The following TMC2 variants were observed in gnomAD, a reference collection of about 807,000 sequenced individuals.
The protein encoded by TMC2 is transmembrane channel-like protein 2.
In TMC2, 102 loss-of-function variants were observed where a neutral mutation model predicts 105.9. That is an observed-to-expected ratio of 0.96 (90% confidence interval 0.82 to 1.14). The LOEUF is 1.14. TMC2 is among the 50% of genes most tolerant of loss of function. TMC2 has a pLI of 0.00. For synonymous variants in TMC2, 402 were observed against 422.8 expected (o/e 0.95, Z 0.60); for missense variants, 1,093 against 1,134.3 (o/e 0.96, Z 0.52).
At chr20:2,584,145 TATGAAAAGATATA>T (rs1292755227) in intron 7 of TMC2, among the ~76,000 whole-genome samples, 1 of 152,064 alleles carries the variant, frequency 6.6e-6, no homozygotes, top group Non-Finnish European at 1.5e-5. Flanking sequence ...ATTTCAGACA[TATGAAAAGATATA>T]ATGAGGCCGG....
intron 17 of TMC2, among the ~76,000 whole-genome samples, chr20:2,634,853 G>A (rs1163301247): frequency 6.6e-6 from 1 of 152,108 alleles, no homozygotes; most frequent in Non-Finnish European, 1.5e-5. Context: ...CTGAATCTCT[G>A]AATCCTTGCT....
At chr20:2,569,984 A>C (rs1201806771) in intron 4 of TMC2, among the ~76,000 whole-genome samples, 1 of 152,186 alleles carries the variant, frequency 6.6e-6, no homozygotes, top group East Asian at 1.9e-4. Context: ...AACATACCTC[A>C]AAATAATAAA....
intron 2 of TMC2, among the ~76,000 whole-genome samples, chr20:2,549,292 A>C (rs1260249236): frequency 2.0e-5 from 3 of 152,108 alleles, no homozygotes; most frequent in African/African-American, 7.2e-5. Context: ...CTAGGTTCAA[A>C]TTATTCTCCC....
chr20:2,571,384 C>T (rs2086101499), intron 4 of TMC2, among the ~76,000 whole-genome samples: 2 of 152,116 alleles, frequency 1.3e-5, no homozygotes, highest in Admixed American at 1.3e-4. Context: ...AAGCCTCCAA[C>T]AAACATATGA....
intron 17 of TMC2, among the ~76,000 whole-genome samples, chr20:2,632,977 T>TTTGTTG (rs34884357): frequency 6.6e-6 from 1 of 151,726 alleles, no homozygotes; most frequent in East Asian, 1.9e-4. Flanking sequence ...CTTCCATGGG[T>TTTGTTG]TTGTTGTTGT....
At chr20:2,537,661 A>ACTTAACCCC (rs1372620131) in intron 2 of TMC2, among the ~76,000 whole-genome samples, 4 of 151,866 alleles carry the variant, frequency 2.6e-5, no homozygotes, top group African/African-American at 9.7e-5. Flanking sequence ...AGGCCCCCGG[A>ACTTAACCCC]CTCTAGGAGG....
intron 2 of TMC2, among the ~76,000 whole-genome samples, chr20:2,550,425 T>C (rs543589413): frequency 7.2e-4 from 110 of 152,314 alleles, no homozygotes; most frequent in African/African-American, 2.5e-3. Flanking sequence ...CACCGAATGT[T>C]TCTCCTAGCA....
At chr20:2,569,999 A>G (rs922765504) in intron 4 of TMC2, among the ~76,000 whole-genome samples, 1 of 152,232 alleles carries the variant, frequency 6.6e-6, no homozygotes, top group African/African-American at 2.4e-5. Context: ...AATAAAAGTT[A>G]TCTATGAGAA....
At chr20:2,633,013 C>T (rs1343975258) in intron 17 of TMC2, among the ~76,000 whole-genome samples, 2 of 152,052 alleles carry the variant, frequency 1.3e-5, no homozygotes, top group Non-Finnish European at 2.9e-5. Flanking sequence ...TAATTGTTGT[C>T]GTTATTGTTG....
At chr20:2,590,944 T>C (rs1323526277) in intron 7 of TMC2, among the ~76,000 whole-genome samples, 2 of 152,148 alleles carry the variant, frequency 1.3e-5, no homozygotes, top group Non-Finnish European at 1.5e-5. Flanking sequence ...TAAATCAGAA[T>C]ATTTCTATGA....
chr20:2,611,171 G>A (rs1428886810), intron 12 of TMC2, among the ~76,000 whole-genome samples: 1 of 152,218 alleles, frequency 6.6e-6, no homozygotes, highest in East Asian at 1.9e-4. Flanking sequence ...GACCTTAGCA[G>A]ACATTGGAAA....
chr20:2,555,639 GATT>G, intron 2 of TMC2, among the ~76,000 whole-genome samples: 1 of 152,254 alleles, frequency 6.6e-6, no homozygotes, highest in South Asian at 2.1e-4. Flanking sequence ...TACATAAAAT[GATT>G]ATTGATATAG....
At chr20:2,570,818 C>A (rs2086097893) in intron 4 of TMC2, among the ~76,000 whole-genome samples, 2 of 152,092 alleles carry the variant, frequency 1.3e-5, no homozygotes, top group Admixed American at 6.6e-5. Flanking sequence ...ACCAATGGAA[C>A]TGAATAGAGA....
chr20:2,613,062 A>C, intron 13 of TMC2, 132 bp from the exon 14 acceptor site: 1 of 1,235,766 alleles, frequency 8.1e-7, no homozygotes, highest in Non-Finnish European at 1.1e-6. Context: ...TCACACACAA[A>C]GGATCAGAGG....
intron 7 of TMC2, among the ~76,000 whole-genome samples, chr20:2,589,921 G>A (rs1369906747): frequency 2.6e-5 from 4 of 152,118 alleles, no homozygotes; most frequent in African/African-American, 7.2e-5. Context: ...TGCCCACCTC[G>A]GCTTCCCAAA....
intron 17 of TMC2, among the ~76,000 whole-genome samples, chr20:2,628,581 G>C (rs993734602): frequency 1.3e-5 from 2 of 149,616 alleles, no homozygotes; most frequent in African/African-American, 4.9e-5. Flanking sequence ...CCGTTCTTGT[G>C]ATAGTGAGTG....
chr20:2,537,913 T>C (rs2085861553), intron 2 of TMC2, among the ~76,000 whole-genome samples: 2 of 152,092 alleles, frequency 1.3e-5, no homozygotes, highest in African/African-American at 4.8e-5. Flanking sequence ...ATATTATGGA[T>C]GCGATGCTGT....
intron 6 of TMC2, 48 bp from the exon 7 acceptor site, chr20:2,579,902 A>G (rs745675589): frequency 1.5e-6 from 2 of 1,314,520 alleles, no homozygotes; most frequent in Non-Finnish European, 2.2e-6. Context: ...AATAGTGTCC[A>G]TTTTTTCCTT....
At chr20:2,568,345 C>T (rs985447270) in intron 4 of TMC2, among the ~76,000 whole-genome samples, 1 of 152,164 alleles carries the variant, frequency 6.6e-6, no homozygotes, top group Non-Finnish European at 1.5e-5. Context: ...TATATATCTT[C>T]ACAGAGTTCA....
Sources: allele counts gnomAD v4.1 joint callset (sites outside exome capture counted in the v4.1 genomes callset), GRCh38; gene constraint gnomAD v4.1.1; transcripts MANE v1.5; gene names NCBI Gene and HGNC (gene_info 2026-07-23, HGNC 2026-07-21).